Variants in MIPOL1 observed in about 807,000 individuals in gnomAD.
MIPOL1 encodes mirror-image polydactyly gene 1 protein.
MIPOL1 carries 57 observed loss-of-function variants against 60.9 expected under a neutral mutation model. That is an observed-to-expected ratio of 0.94 (90% CI 0.76 to 1.17). The LOEUF (loss-of-function observed/expected upper bound fraction) is 1.17, where lower values mean the gene tolerates loss of function less well. MIPOL1 is among the 50% of genes most tolerant of loss of function. The probability of loss-of-function intolerance (pLI) is 0.00; values close to 1 mark genes in which losing one functional copy is unlikely to be tolerated. For synonymous variants in MIPOL1, 179 were observed against 168.8 expected (o/e 1.06, Z -0.47); for missense variants, 551 against 511.6 (o/e 1.08, Z -0.74).
Position 37,480,986 on chromosome 14 carries a change from A to T in MIPOL1, c.1032-18922A>T, listed in dbSNP as rs1030554165. ...AGACTTCGTCTCTATTTAAAAATTT[A>T]AAAAAATAGCCAGGCATGTTGGCAC... is the stretch of plus-strand genomic sequence containing the variant. On this transcript the variant is annotated intron_variant, in intron 11 of 12. Coordinates refer to ENST00000684589, the MANE Select transcript of MIPOL1 (RefSeq NM_001388067.1). 5.3e-5 allele frequency among the ~76,000 whole-genome samples: 8 copies of T among 152,122 alleles called. No individual in the cohort carries two copies. In the South Asian group the frequency reaches 6.2e-4, roughly 12 times the overall value.
rs111300760 is a variant in MIPOL1 at position 37,493,052 on chromosome 14, G to A, written c.1032-6856G>A. ...ATATATACAACACACTAATGATTGA[G>A]CAATTACTGTAAAATAAATGAAGCA... is the stretch of plus-strand genomic sequence containing the variant. On this transcript the variant is annotated intron_variant, in intron 11 of 12. Transcript: ENST00000684589. Among the ~76,000 whole-genome samples the A allele has an allele frequency of 8.5e-5, 13 of 152,178 alleles. 1 individual carries two copies. Among genetic ancestry groups the A allele is most frequent in the African/African-American group, 3.1e-4 (13 of 41,516 alleles).
intron 2 of MIPOL1, among the ~76,000 whole-genome samples, chr14:37,247,489 T>C (rs1171175249): frequency 6.6e-6 from 1 of 151,978 alleles, no homozygotes; most frequent in Non-Finnish European, 1.5e-5. Context: ...GGTATAAAAT[T>C]TATGACAAAT....
At chr14:37,391,858 A>G (rs2093253045) in intron 10 of MIPOL1, among the ~76,000 whole-genome samples, 1 of 152,196 alleles carries the variant, frequency 6.6e-6, no homozygotes, top group African/African-American at 2.4e-5. Context: ...GACTGTTATA[A>G]GGCAGGAAAA....
chr14:37,293,505 C>T (rs1430317853), intron 7 of MIPOL1, among the ~76,000 whole-genome samples: 5 of 152,094 alleles, frequency 3.3e-5, no homozygotes, highest in Non-Finnish European at 4.4e-5. Flanking sequence ...CAAAGCAAGG[C>T]GAGGCATCGT....
At chr14:37,458,348 A>G (rs764068314) in intron 11 of MIPOL1, among the ~76,000 whole-genome samples, 1 of 152,338 alleles carries the variant, frequency 6.6e-6, no homozygotes, top group Non-Finnish European at 1.5e-5. Flanking sequence ...CATTCTATCC[A>G]ACAATGGCAG....
chr14:37,211,872 A>G (rs1305819938), intron 1 of MIPOL1, among the ~76,000 whole-genome samples: 2 of 151,868 alleles, frequency 1.3e-5, no homozygotes, highest in Non-Finnish European at 2.9e-5. Context: ...CATCGAGGAT[A>G]TCAGCTCAGC....
At chr14:37,476,367 T>C (rs914172130) in intron 11 of MIPOL1, among the ~76,000 whole-genome samples, 1 of 152,124 alleles carries the variant, frequency 6.6e-6, no homozygotes, top group Non-Finnish European at 1.5e-5. Flanking sequence ...TAGCCAATCA[T>C]GTCATCTGCA....
intron 3 of MIPOL1, among the ~76,000 whole-genome samples, chr14:37,255,545 T>G (rs942823878): frequency 6.6e-6 from 1 of 151,850 alleles, no homozygotes; most frequent in Non-Finnish European, 1.5e-5. Context: ...ACTTCAACTT[T>G]TAGTGTTTTG....
chr14:37,404,998 C>CT (rs905458821), intron 10 of MIPOL1, among the ~76,000 whole-genome samples: 6 of 151,758 alleles, frequency 4.0e-5, no homozygotes, highest in South Asian at 2.1e-4. Flanking sequence ...TCTCTCCTCA[C>CT]TTTTTTTTTC....
chr14:37,468,541 C>T (rs539574482), intron 11 of MIPOL1, among the ~76,000 whole-genome samples: 62 of 152,296 alleles, frequency 4.1e-4, no homozygotes, highest in African/African-American at 1.5e-3. Flanking sequence ...ACCTTATCTT[C>T]TGCAGGGCAT....
At chr14:37,237,315 G>A (rs1163251312) in intron 1 of MIPOL1, among the ~76,000 whole-genome samples, 2 of 152,118 alleles carry the variant, frequency 1.3e-5, no homozygotes, top group Admixed American at 6.5e-5. Context: ...CTAGTTAGAG[G>A]GAGGGAACTG....
intron 7 of MIPOL1, among the ~76,000 whole-genome samples, chr14:37,291,248 G>A (rs1028784353): frequency 3.3e-5 from 5 of 152,044 alleles, no homozygotes; most frequent in African/African-American, 9.7e-5. Context: ...GTCTACAAAT[G>A]TTTTGGTTTT....
rs1486228677 is a variant in MIPOL1, at chr14:37,519,416, G to T, written c.1262+19278G>T. 2.6e-5 allele frequency among the ~76,000 whole-genome samples: 4 copies of T among 152,066 alleles called. No homozygotes were observed. The South Asian group carries it at 8.3e-4, about 32-fold the overall frequency. On this transcript the variant is annotated intron_variant, in intron 12 of 12. Coordinates refer to ENST00000684589, the MANE Select transcript of MIPOL1 (RefSeq NM_001388067.1). The stretch of plus-strand genomic sequence containing the variant: ...ATTCATCTTTTAAAGAAACTACGAG[G>T]TAAAGAAGTTTTGCTTTAGAGACTG...
At chr14:37,525,296 T>G (rs1356407261) in intron 12 of MIPOL1, among the ~76,000 whole-genome samples, 1 of 152,122 alleles carries the variant, frequency 6.6e-6, no homozygotes, top group African/African-American at 2.4e-5. Flanking sequence ...ATAGGGGAAG[T>G]GTGTAGTACT....
intron 3 of MIPOL1, among the ~76,000 whole-genome samples, chr14:37,250,099 T>G (rs1438636729): frequency 2.0e-5 from 3 of 152,082 alleles, no homozygotes; most frequent in Non-Finnish European, 4.4e-5. Flanking sequence ...CATAGACAGT[T>G]TACAGTAGGC....
chr14:37,296,631 T>G (rs1376318203), intron 7 of MIPOL1, among the ~76,000 whole-genome samples: 1 of 152,006 alleles, frequency 6.6e-6, no homozygotes, highest in South Asian at 2.1e-4. Flanking sequence ...ATATCACCAC[T>G]GATCCCACAG....
intron 3 of MIPOL1, among the ~76,000 whole-genome samples, chr14:37,262,325 T>C (rs1305552058): frequency 6.6e-6 from 1 of 152,070 alleles, no homozygotes; most frequent in Non-Finnish European, 1.5e-5. Flanking sequence ...AAAAAAGTTT[T>C]TGCCCATTGA....
chr14:37,455,821 A>G (rs898814336), intron 11 of MIPOL1, among the ~76,000 whole-genome samples: 3 of 152,084 alleles, frequency 2.0e-5, no homozygotes, highest in Non-Finnish European at 2.9e-5. Flanking sequence ...ATGCACTTTC[A>G]GAAATTTGGT....
At chr14:37,470,424 C>A (rs765323171) in intron 11 of MIPOL1, among the ~76,000 whole-genome samples, 1 of 151,542 alleles carries the variant, frequency 6.6e-6, no homozygotes, top group South Asian at 2.1e-4. Flanking sequence ...CGGATTTCCC[C>A]CTTGCTGTTC....
Sources: gnomAD v4.1 joint callset for allele counts (sites outside exome capture counted in the v4.1 genomes callset) on GRCh38, gnomAD v4.1.1 for gene constraint, MANE v1.5 for transcripts, NCBI Gene and HGNC (gene_info 2026-07-23, HGNC 2026-07-21) for gene names.